Variants in KCNIP4 observed in about 807,000 individuals in gnomAD.
KCNIP4 encodes Kv channel-interacting protein 4.
KCNIP4 carries 12 observed loss-of-function variants against 34.0 expected under a neutral mutation model. The observed-to-expected ratio is 0.35, with a 90% CI of 0.23 to 0.57. The LOEUF is 0.57. Among genes scored for constraint, KCNIP4 ranks in the 20% least tolerant of loss-of-function variants. KCNIP4 has a pLI of 0.83. For synonymous variants in KCNIP4, 124 were observed against 102.2 expected, an observed-to-expected ratio of 1.21 and a Z score of -1.29; for missense variants, 238 against 311.7, an observed-to-expected ratio of 0.76 and a Z score of 1.78.
intron 1 of KCNIP4, among the ~76,000 whole-genome samples, chr4:21,940,075 GC>G (rs1730118259): frequency 6.6e-6 from 1 of 152,030 alleles, no homozygotes; most frequent in Non-Finnish European, 1.5e-5. Context: ...AACTCTCCAA[GC>G]TTCCAAATCA....
intron 5 of KCNIP4, among the ~76,000 whole-genome samples, chr4:20,746,544 A>AT (rs761770903): frequency 1.2e-4 from 18 of 152,102 alleles, no homozygotes; most frequent in Admixed American, 6.6e-4. Context: ...CCCCCAACTG[A>AT]TAACTGCTAT....
intron 1 of KCNIP4, among the ~76,000 whole-genome samples, chr4:21,758,097 G>A (rs1717786771): frequency 6.6e-6 from 1 of 152,176 alleles, no homozygotes; most frequent in Admixed American, 6.5e-5. Flanking sequence ...CAGGAAACCA[G>A]TCAATAAAAA....
chr4:20,839,527 A>T (rs1375704155), intron 3 of KCNIP4, among the ~76,000 whole-genome samples: 1 of 149,524 alleles, frequency 6.7e-6, no homozygotes, highest in Non-Finnish European at 1.5e-5. Context: ...TTATTTTTCA[A>T]AAGCAAATTT....
At chr4:21,761,566 A>G (rs912476682) in intron 1 of KCNIP4, among the ~76,000 whole-genome samples, 18 of 152,024 alleles carry the variant, frequency 1.2e-4, no homozygotes, top group Non-Finnish European at 2.5e-4. Flanking sequence ...TACAATTCTT[A>G]TGTTCACATA....
At chr4:21,567,447 GT>G (rs1739990146) in intron 1 of KCNIP4, among the ~76,000 whole-genome samples, 1 of 151,966 alleles carries the variant, frequency 6.6e-6, no homozygotes, top group Non-Finnish European at 1.5e-5. Context: ...GGATGAATTT[GT>G]AAAGGCCAGA....
chr4:21,290,844 G>C (rs1423945114), intron 1 of KCNIP4, among the ~76,000 whole-genome samples: 1 of 152,164 alleles, frequency 6.6e-6, no homozygotes, highest in African/African-American at 2.4e-5. Context: ...GCAACAACTA[G>C]GTAGATGTAA....
chr4:20,946,149 TAGG>T (rs1732171354), intron 1 of KCNIP4, among the ~76,000 whole-genome samples: 2 of 151,926 alleles, frequency 1.3e-5, no homozygotes, highest in Admixed American at 6.6e-5. Flanking sequence ...TGGTGGTGGG[TAGG>T]AGGACAAATT....
intron 1 of KCNIP4, among the ~76,000 whole-genome samples, chr4:21,022,048 T>C (rs1309970804): frequency 6.6e-6 from 1 of 152,144 alleles, no homozygotes; most frequent in African/African-American, 2.4e-5. Context: ...CACTGAGTTA[T>C]GATGTTATGG....
intron 1 of KCNIP4, among the ~76,000 whole-genome samples, chr4:21,248,198 C>T (rs912320956): frequency 2.0e-5 from 3 of 151,800 alleles, no homozygotes; most frequent in Admixed American, 2.0e-4. Context: ...GCGTACCTCT[C>T]TCTTGCCTTG....
chr4:21,189,202 G>A (rs1755456571), intron 1 of KCNIP4, among the ~76,000 whole-genome samples: 1 of 152,118 alleles, frequency 6.6e-6, no homozygotes, highest in Non-Finnish European at 1.5e-5. Flanking sequence ...ACTGTATAGT[G>A]GATACATGTA....
At chr4:21,880,228 C>A (rs1726387844) in intron 1 of KCNIP4, among the ~76,000 whole-genome samples, 1 of 152,084 alleles carries the variant, frequency 6.6e-6, no homozygotes, top group African/African-American at 2.4e-5. Flanking sequence ...AATGTTTCAT[C>A]ATATATTTTT....
At chr4:21,884,040 C>T (rs1024444925) in intron 1 of KCNIP4, among the ~76,000 whole-genome samples, 8 of 152,040 alleles carry the variant, frequency 5.3e-5, no homozygotes, top group African/African-American at 1.9e-4. Flanking sequence ...ATTAAAATTG[C>T]TTTGTAGGCT....
intron 1 of KCNIP4, among the ~76,000 whole-genome samples, chr4:21,405,872 G>C (rs978394966): frequency 4.6e-5 from 7 of 152,092 alleles, no homozygotes; most frequent in African/African-American, 1.4e-4. Context: ...TTTTGCTCTC[G>C]TTGCCCATGC....
intron 1 of KCNIP4, among the ~76,000 whole-genome samples, chr4:21,765,757 G>C (rs1718365613): frequency 6.8e-6 from 1 of 146,596 alleles, no homozygotes; most frequent in African/African-American, 2.5e-5. Context: ...CAAGCCACCT[G>C]CCTGGCTGAG....
At chr4:21,888,478 C>T (rs1726912071) in intron 1 of KCNIP4, among the ~76,000 whole-genome samples, 1 of 151,970 alleles carries the variant, frequency 6.6e-6, no homozygotes, top group Admixed American at 6.6e-5. Context: ...AATAATGTTG[C>T]ACCCAAAGCC....
chr4:21,005,645 G>C (rs991120909), intron 1 of KCNIP4, among the ~76,000 whole-genome samples: 1 of 151,928 alleles, frequency 6.6e-6, no homozygotes, highest in African/African-American at 2.4e-5. Flanking sequence ...CTGGACAGTA[G>C]GACAAGTTTG....
chr4:21,038,587 C>A (rs28410455), intron 1 of KCNIP4, among the ~76,000 whole-genome samples: 3,765 of 152,166 alleles, frequency 0.025, 148 homozygotes, highest in African/African-American at 0.085. Flanking sequence ...CATCCAGCAA[C>A]AGCAATGTAG....
chr4:21,193,393 G>C (rs957164218), intron 1 of KCNIP4, among the ~76,000 whole-genome samples: 4 of 152,104 alleles, frequency 2.6e-5, no homozygotes, highest in Admixed American at 1.3e-4. Context: ...TTACTTGCTA[G>C]CTGGCACAGT....
chr4:20,846,760 T>C (rs1720434678), intron 3 of KCNIP4, among the ~76,000 whole-genome samples: 1 of 152,174 alleles, frequency 6.6e-6, no homozygotes, highest in African/African-American at 2.4e-5. Context: ...TCATCACTAA[T>C]AGGTCATTTC....
Sources: gnomAD v4.1 joint callset for allele counts (sites outside exome capture counted in the v4.1 genomes callset) on GRCh38, gnomAD v4.1.1 for gene constraint, MANE v1.5 for transcripts, NCBI Gene and HGNC (gene_info 2026-07-23, HGNC 2026-07-21) for gene names.